SHLD2: variants seen among roughly 807,000 people sequenced by gnomAD.
The protein encoded by SHLD2 is shieldin complex subunit 2, also known as RINN1-REV7-interacting novel NHEJ regulator 2.
In SHLD2, 30 loss-of-function variants were observed where a neutral mutation model predicts 73.2. That is an observed-to-expected ratio of 0.41 (90% CI 0.31 to 0.56). The LOEUF (loss-of-function observed/expected upper bound fraction) is 0.56, where lower values mean the gene tolerates loss of function less well. SHLD2 is among the 20% of genes least tolerant of loss of function. The probability of loss-of-function intolerance (pLI) is 0.28; values close to 1 mark genes in which losing one functional copy is unlikely to be tolerated. For missense variants in SHLD2, 745 were observed against 1,055.9 expected (o/e 0.71, Z 4.08); for synonymous variants, 285 against 370.1 (o/e 0.77, Z 2.64).
intron 2 of SHLD2, among the ~76,000 whole-genome samples, chr10:87,105,054 A>G (rs932390834): frequency 4.6e-5 from 7 of 152,152 alleles, no homozygotes; most frequent in African/African-American, 1.7e-4. Context: ...TTCTTTATAT[A>G]TAAAGTATGG....
At chr10:87,163,021 A>G (rs1422924400) in intron 4 of SHLD2, among the ~76,000 whole-genome samples, 2 of 152,170 alleles carry the variant, frequency 1.3e-5, no homozygotes, top group African/African-American at 4.8e-5. Flanking sequence ...AATACATATC[A>G]CAAGGTTATT....
chr10:87,148,900 T>TTC (rs1845821586), intron 2 of SHLD2, among the ~76,000 whole-genome samples: 1 of 150,978 alleles, frequency 6.6e-6, no homozygotes, highest in Admixed American at 6.6e-5. Flanking sequence ...TTTTTTTTTT[T>TTC]TCTGAGGCAG....
At chr10:87,116,825 T>C (rs1361512546) in intron 2 of SHLD2, among the ~76,000 whole-genome samples, 2 of 152,218 alleles carry the variant, frequency 1.3e-5, no homozygotes, top group Non-Finnish European at 2.9e-5. Context: ...GGATTGATCT[T>C]GGCCTGGATT....
chr10:87,129,047 A>G (rs1844240694), intron 2 of SHLD2, among the ~76,000 whole-genome samples: 2 of 151,694 alleles, frequency 1.3e-5, no homozygotes, highest in South Asian at 4.2e-4. Flanking sequence ...CTGGAATTAC[A>G]GGCGTGCATC....
At chr10:87,112,203 A>C (rs1022906344) in intron 2 of SHLD2, among the ~76,000 whole-genome samples, 5 of 150,796 alleles carry the variant, frequency 3.3e-5, no homozygotes, top group African/African-American at 9.8e-5. Flanking sequence ...GCACCACTGC[A>C]CTCCAGCCTG....
upstream of SHLD2, chr10:87,094,722 G>T (rs1313982001): frequency 1.3e-6 from 2 of 1,513,320 alleles, no homozygotes; most frequent in East Asian, 2.9e-5. The surrounding 1 kb of genome is among the most constrained non-coding windows in gnomAD (Gnocchi z 6.6). Flanking sequence ...CCAGGGCAGC[G>T]GGCCCGGCCC....
At chr10:87,169,325 TA>T (rs1847423335) in intron 4 of SHLD2, among the ~76,000 whole-genome samples, 1 of 152,352 alleles carries the variant, frequency 6.6e-6, no homozygotes, top group Non-Finnish European at 1.5e-5. Context: ...CTGGTAGTAT[TA>T]CGTGTGGTTT....
intron 2 of SHLD2, among the ~76,000 whole-genome samples, chr10:87,098,735 G>A (rs1842071042): frequency 6.6e-6 from 1 of 152,118 alleles, no homozygotes; most frequent in African/African-American, 2.4e-5. Context: ...ATTTATGATT[G>A]CTTTTGTAAA....
intron 2 of SHLD2, among the ~76,000 whole-genome samples, chr10:87,113,356 G>C (rs546840628): frequency 6.6e-6 from 1 of 152,174 alleles, no homozygotes; most frequent in Non-Finnish European, 1.5e-5. Flanking sequence ...ACAAAAACCA[G>C]TATGTGGTCC....
At chr10:87,183,256 T>G (rs1848422176) in intron 8 of SHLD2, among the ~76,000 whole-genome samples, 1 of 152,192 alleles carries the variant, frequency 6.6e-6, no homozygotes, top group African/African-American at 2.4e-5. Flanking sequence ...GATTATTTAT[T>G]AAAACAAGTA....
chr10:87,172,270 A>G (rs1478035048), intron 6 of SHLD2, among the ~76,000 whole-genome samples: 1 of 152,152 alleles, frequency 6.6e-6, no homozygotes. Flanking sequence ...AAGTAATTCT[A>G]TTTTCCTGAT....
intron 2 of SHLD2, among the ~76,000 whole-genome samples, chr10:87,121,939 A>G (rs1209304901): frequency 6.6e-6 from 1 of 151,120 alleles, no homozygotes. Flanking sequence ...TAATTTTTGT[A>G]TTTTTTGTAG....
rs767354402 is a variant in SHLD2, at chr10:87,170,855, A to G, written c.1844A>G (p.Tyr615Cys). 3.1e-6 allele frequency: 5 copies of G among 1,611,824 alleles called. No individual in the cohort carries two copies. The Admixed American group carries it at 5.0e-5, about 16-fold the overall frequency. The part of the protein sequence containing the change: ...FTILTEAVYS[Y>C]RGQKQKKVML... ...CCTTTTCCAGAGGCAGTATACAGTT[A>G]TAGAGGACAGAAGCAGAAAAAAGTT... Residue 615 changes from tyrosine (Y) to cysteine (C), a missense_variant, in exon 6 of 10, where the codon TAT (tyrosine) becomes TGT (cysteine). Tyr to Cys is a radical substitution (Grantham distance 194, BLOSUM62 -2). Coordinates refer to ENST00000298786, the MANE Select transcript of SHLD2 (RefSeq NM_001330112.2).
chr10:87,121,882 A>T (rs1311773916), intron 2 of SHLD2, among the ~76,000 whole-genome samples: 2 of 150,824 alleles, frequency 1.3e-5, no homozygotes, highest in Non-Finnish European at 2.9e-5. Flanking sequence ...CTTCCACCTC[A>T]GCCTCCCAAG....
chr10:87,127,539 A>ACCCC (rs1491051616), intron 2 of SHLD2, among the ~76,000 whole-genome samples: 2 of 36,100 alleles, frequency 5.5e-5, no homozygotes, highest in Non-Finnish European at 9.3e-5. Context: ...GCCCCCCCCC[A>ACCCC]CCCCGTCTGC....
chr10:87,150,532 G>A (rs1017109902), intron 2 of SHLD2, among the ~76,000 whole-genome samples: 6 of 151,686 alleles, frequency 4.0e-5, no homozygotes, highest in Admixed American at 2.6e-4. Flanking sequence ...AAGCAGAGGC[G>A]AGTGGATTTC....
At chr10:87,109,301 A>ATT (rs554117476) in intron 2 of SHLD2, among the ~76,000 whole-genome samples, 27 of 142,328 alleles carry the variant, frequency 1.9e-4, no homozygotes, top group African/African-American at 4.1e-4. Context: ...CGCAAATAAG[A>ATT]TTTTTTTTTT....
chr10:87,104,190 T>C (rs1247607258), intron 2 of SHLD2, among the ~76,000 whole-genome samples: 1 of 146,518 alleles, frequency 6.8e-6, no homozygotes, highest in Non-Finnish European at 1.5e-5. Context: ...TGAGCCGAGA[T>C]TGTGCCACTG....
intron 3 of SHLD2, among the ~76,000 whole-genome samples, chr10:87,156,006 A>C (rs1846394361): frequency 6.6e-6 from 1 of 151,554 alleles, no homozygotes; most frequent in Non-Finnish European, 1.5e-5. Context: ...CAGTGAACTT[A>C]GTTGGATAGC....
Sources: allele counts gnomAD v4.1 joint callset (sites outside exome capture counted in the v4.1 genomes callset), GRCh38; gene constraint gnomAD v4.1.1; non-coding constraint Gnocchi (gnomAD v3.1); transcripts MANE v1.5; gene names NCBI Gene and HGNC (gene_info 2026-07-23, HGNC 2026-07-21).